Variants in NEXMIF observed in about 807,000 individuals in gnomAD.
The protein encoded by NEXMIF is XLMR protein related to neurite extension.
NEXMIF carries 8 observed loss-of-function variants against 62.1 expected under a neutral mutation model. The observed-to-expected ratio is 0.13, with a 90% CI of 0.08 to 0.23. NEXMIF has a LOEUF of 0.23. NEXMIF is among the 10% of genes least tolerant of loss of function. The pLI is 1.00. For synonymous variants in NEXMIF, 404 were observed against 416.6 expected (o/e 0.97, Z 0.37); for missense variants, 976 against 1,113.3 (o/e 0.88, Z 1.75).
At position 74,795,789 on chromosome X, in the gene NEXMIF, G is replaced by A. The variant is rs780159082; in HGVS notation, c.-47-50092C>T. On this transcript the variant is annotated intron_variant, in intron 1 of 3. Coordinates refer to ENST00000055682, the MANE Select transcript of NEXMIF (RefSeq NM_001008537.3). ...AAATGTGTGACATAAGTGCACTGAG[G>A]AAGGGGGTACGAAGCTGATTTAACT... is the stretch of plus-strand genomic sequence containing the variant. 9.9e-5 allele frequency among the ~76,000 whole-genome samples: 11 copies of A among 110,755 alleles called. No homozygotes were observed. The South Asian group carries it at 4.1e-3, about 42-fold the overall frequency.
chrX:74,799,546 C>A (rs2080322746), intron 1 of NEXMIF, among the ~76,000 whole-genome samples: 1 of 112,519 alleles, frequency 8.9e-6, no homozygotes, highest in South Asian at 3.7e-4. Context: ...CATGCATGCA[C>A]ATATACACAA....
At chrX:74,759,044 C>A (rs764777402) in intron 1 of NEXMIF, among the ~76,000 whole-genome samples, 67 of 112,395 alleles carry the variant, frequency 6.0e-4, no homozygotes, top group Admixed American at 2.8e-3. Context: ...TTATTTTTCT[C>A]TACAACTTCG....
At chrX:74,767,108 C>A (rs11798966) in intron 1 of NEXMIF, among the ~76,000 whole-genome samples, 1 of 111,534 alleles carries the variant, frequency 9.0e-6, no homozygotes, top group Non-Finnish European at 1.9e-5. Flanking sequence ...GGCAACCTGC[C>A]CCTCCCACTG....
intron 1 of NEXMIF, among the ~76,000 whole-genome samples, chrX:74,826,303 T>C (rs2080417049): frequency 8.9e-6 from 1 of 112,400 alleles, no homozygotes; most frequent in South Asian, 3.7e-4. Flanking sequence ...GCTGGCCACA[T>C]GTATGTCTTC....
intron 1 of NEXMIF, among the ~76,000 whole-genome samples, chrX:74,808,626 C>T (rs903160636): frequency 4.5e-5 from 5 of 111,862 alleles, no homozygotes; most frequent in East Asian, 2.8e-4. Flanking sequence ...TTTCTGGAAG[C>T]GATTACAGAG....
intron 1 of NEXMIF, among the ~76,000 whole-genome samples, chrX:74,847,472 C>T (rs755375124): frequency 8.9e-6 from 1 of 112,187 alleles, no homozygotes; most frequent in South Asian, 3.7e-4. Context: ...GGAAAAAGGA[C>T]TGTCATTTCA....
At chrX:74,838,739 C>T (rs2080464912) in intron 1 of NEXMIF, among the ~76,000 whole-genome samples, 1 of 111,906 alleles carries the variant, frequency 8.9e-6, no homozygotes, top group Non-Finnish European at 1.9e-5. Context: ...GATCTCTCCC[C>T]ATCAAACTGC....
chrX:74,873,475 G>A (rs986026878), intron 1 of NEXMIF, among the ~76,000 whole-genome samples: 7 of 112,032 alleles, frequency 6.2e-5, no homozygotes, highest in African/African-American at 2.3e-4. Flanking sequence ...CTTTATAGCA[G>A]CATGATTTAA....
intron 1 of NEXMIF, among the ~76,000 whole-genome samples, chrX:74,842,436 C>G (rs2080477001): frequency 9.0e-6 from 1 of 111,667 alleles, no homozygotes. Flanking sequence ...CTTCTGGATT[C>G]ACTGATCTTT....
At chrX:74,764,069 G>A (rs1455401252) in intron 1 of NEXMIF, among the ~76,000 whole-genome samples, 2 of 111,473 alleles carry the variant, frequency 1.8e-5, no homozygotes, top group Non-Finnish European at 1.9e-5. Context: ...AATGCTTCCC[G>A]TTTTTGCCCA....
chrX:74,897,662 T>A (rs1270664186), intron 1 of NEXMIF, among the ~76,000 whole-genome samples: 3 of 110,602 alleles, frequency 2.7e-5, no homozygotes. Context: ...AAGGAATGAG[T>A]GGGAAATGTT....
intron 1 of NEXMIF, among the ~76,000 whole-genome samples, chrX:74,775,503 C>T (rs1366650506): frequency 8.9e-6 from 1 of 111,838 alleles, no homozygotes; most frequent in Non-Finnish European, 1.9e-5. Flanking sequence ...CAGTTTAGAG[C>T]CTGCTATTTT....
At chrX:74,796,163 T>TAC (rs2080307279) in intron 1 of NEXMIF, among the ~76,000 whole-genome samples, 5 of 40,873 alleles carry the variant, frequency 1.2e-4, no homozygotes, top group East Asian at 4.2e-4. Context: ...ACATATATAT[T>TAC]ATATATATTA....
intron 1 of NEXMIF, among the ~76,000 whole-genome samples, chrX:74,810,529 G>A (rs1310708034): frequency 1.8e-5 from 2 of 108,897 alleles, no homozygotes; most frequent in African/African-American, 3.3e-5. Flanking sequence ...GGTGGCTCAC[G>A]CTTGTAATCC....
At chrX:74,823,958 T>C (rs2080406150) in intron 1 of NEXMIF, among the ~76,000 whole-genome samples, 1 of 111,414 alleles carries the variant, frequency 9.0e-6, no homozygotes, top group Non-Finnish European at 1.9e-5. Flanking sequence ...ACATTTAGAG[T>C]TGTATTTCAG....
chrX:74,787,736 G>A (rs1256699223), intron 1 of NEXMIF, among the ~76,000 whole-genome samples: 2 of 111,841 alleles, frequency 1.8e-5, no homozygotes, highest in Non-Finnish European at 3.8e-5. Flanking sequence ...TACCTCTTTG[G>A]GCGAGAGAGC....
At chrX:74,857,275 G>T (rs1160398517) in intron 1 of NEXMIF, among the ~76,000 whole-genome samples, 2 of 112,243 alleles carry the variant, frequency 1.8e-5, no homozygotes, top group East Asian at 5.6e-4. Context: ...TTCAGGAGAG[G>T]AGAGGGAAGA....
At chrX:74,763,597 G>A (rs1283664895) in intron 1 of NEXMIF, among the ~76,000 whole-genome samples, 1 of 111,800 alleles carries the variant, frequency 8.9e-6, no homozygotes, top group African/African-American at 3.3e-5. Context: ...TCCTATCCAT[G>A]AGCATGGAAT....
intron 1 of NEXMIF, among the ~76,000 whole-genome samples, chrX:74,873,262 T>C (rs1465901480): frequency 1.8e-5 from 2 of 111,333 alleles, no homozygotes; most frequent in Non-Finnish European, 3.8e-5. Context: ...GTTCTTGTGA[T>C]AGTTTACTGA....
Sources: allele counts gnomAD v4.1 joint callset (sites outside exome capture counted in the v4.1 genomes callset), GRCh38; gene constraint gnomAD v4.1.1; transcripts MANE v1.5; gene names NCBI Gene and HGNC (gene_info 2026-07-23, HGNC 2026-07-21).